DCLK1: variants seen among roughly 807,000 people sequenced by gnomAD.
The protein encoded by DCLK1 is serine/threonine-protein kinase DCLK1.
A neutral mutation model predicts 86.2 loss-of-function variants in DCLK1; 16 were observed. That is an observed-to-expected ratio of 0.19 (90% CI 0.13 to 0.28). The LOEUF is 0.28. Ranked by LOEUF, DCLK1 falls within the 10% of genes least tolerant of loss-of-function variation. The pLI is 1.00. For missense variants in DCLK1, 590 were observed against 940.2 expected, an observed-to-expected ratio of 0.63 and a Z score of 4.87; for synonymous variants, 369 against 370.5, an observed-to-expected ratio of 1.00 and a Z score of 0.05.
chr13:35,807,825 G>A (rs948459438), intron 14 of DCLK1, among the ~76,000 whole-genome samples: 1 of 152,224 alleles, frequency 6.6e-6, no homozygotes, highest in African/African-American at 2.4e-5. Flanking sequence ...AGGTTTAAGA[G>A]ATGCAATTGG....
chr13:35,958,168 CCAT>C (rs1336214235), intron 3 of DCLK1, among the ~76,000 whole-genome samples: 3 of 53,670 alleles, frequency 5.6e-5, no homozygotes, highest in East Asian at 3.9e-4. Flanking sequence ...ACCATCACCA[CCAT>C]CACCACTATA....
At chr13:35,780,798 A>G (rs1192629838) in intron 16 of DCLK1, among the ~76,000 whole-genome samples, 1 of 152,254 alleles carries the variant, frequency 6.6e-6, no homozygotes, top group East Asian at 1.9e-4. Flanking sequence ...AATGCCAGCT[A>G]TCTCAGCAAC....
chr13:35,870,456 G>A lies in DCLK1; in HGVS notation c.940+768C>T, dbSNP rs139487330. 3.1e-4 allele frequency among the ~76,000 whole-genome samples: 47 copies of A among 152,182 alleles called. No individual in the cohort carries two copies. The East Asian group carries it at 8.9e-3, about 29-fold the overall frequency. ...AGAAGGCCCCCAAGTAGGCCCCAGA[G>A]GTCTTTATTCTTATTTATAAGAGCT... On this transcript the variant is annotated intron_variant, in intron 5 of 16. Transcript: ENST00000360631.
chr13:35,930,590 A>T (rs1023081052), intron 4 of DCLK1, among the ~76,000 whole-genome samples: 2 of 151,976 alleles, frequency 1.3e-5, no homozygotes, highest in African/African-American at 2.4e-5. Flanking sequence ...ATAGAGCAAG[A>T]CTCCATCTCA....
At chr13:35,973,427 G>A (rs1008957576) in intron 3 of DCLK1, among the ~76,000 whole-genome samples, 6 of 152,064 alleles carry the variant, frequency 3.9e-5, no homozygotes, top group Non-Finnish European at 5.9e-5. Flanking sequence ...CTCGCACCTC[G>A]GTCTATGCCT....
intron 5 of DCLK1, among the ~76,000 whole-genome samples, chr13:35,870,010 A>G (rs17786544): frequency 0.22 from 33,325 of 152,054 alleles, 3,998 homozygotes; most frequent in Admixed American, 0.32. Context: ...ATCCTTTAGC[A>G]ATGCCTCATT....
chr13:36,090,477 G>A (rs1196618644), intron 3 of DCLK1, among the ~76,000 whole-genome samples: 1 of 152,168 alleles, frequency 6.6e-6, no homozygotes, highest in Non-Finnish European at 1.5e-5. Context: ...ATGGCAAGAA[G>A]TGAGGCTGGA....
intron 2 of DCLK1, among the ~76,000 whole-genome samples, chr13:36,116,547 A>T (rs1012755997): frequency 1.3e-4 from 20 of 152,068 alleles, no homozygotes; most frequent in African/African-American, 4.8e-4. Flanking sequence ...GAGTTTTTTC[A>T]TTGGCTAAGA....
At chr13:36,100,180 A>AG (rs1885158678) in intron 3 of DCLK1, among the ~76,000 whole-genome samples, 1 of 8,034 alleles carries the variant, frequency 1.2e-4, no homozygotes, top group African/African-American at 5.1e-4. Context: ...CTGTCTCTAC[A>AG]AAAAAAAAAA....
At chr13:36,028,255 C>T (rs778097759) in intron 3 of DCLK1, among the ~76,000 whole-genome samples, 1 of 152,168 alleles carries the variant, frequency 6.6e-6, no homozygotes, top group Non-Finnish European at 1.5e-5. Context: ...TTTCTAAAAT[C>T]CAACTGCATA....
intron 4 of DCLK1, among the ~76,000 whole-genome samples, chr13:35,909,433 A>T (rs1469529968): frequency 6.6e-6 from 1 of 152,202 alleles, no homozygotes; most frequent in African/African-American, 2.4e-5. Flanking sequence ...ACTGTATGAC[A>T]TTAAGCAACT....
rs542233532 is a variant in DCLK1 at position 35,971,866 on chromosome 13, G to A, written c.724-24409C>T. Among the ~76,000 whole-genome samples the A allele has an allele frequency of 2.6e-4, 40 of 152,186 alleles. 1 individual carries two copies. The highest frequency in any genetic ancestry group is 8.4e-4 in the African/African-American group (35 of 41,516). On this transcript the variant is annotated intron_variant, in intron 3 of 16. Transcript: ENST00000360631. ...GGATGAAATCCCATCCCTGGACCTC[G>A]GTTGTTTTTATTGTTGTTGTTGTTT...
At chr13:36,071,004 T>C (rs180767308) in intron 3 of DCLK1, among the ~76,000 whole-genome samples, 3 of 152,246 alleles carry the variant, frequency 2.0e-5, no homozygotes, top group Non-Finnish European at 2.9e-5. Context: ...AAAAAGATAC[T>C]TGCTTGGCCT....
chr13:36,125,970 G>A lies in DCLK1; in HGVS notation c.168C>T (p.Ala56=). The A allele has an allele frequency of 6.2e-7, 1 of 1,614,168 alleles. No homozygotes were observed. Among genetic ancestry groups the A allele is most frequent in the Non-Finnish European group, 8.5e-7 (1 of 1,180,030 alleles). ...CGTTTCGATAGAAACGAACTTTCTT[G>A]GCCTTCTTCTCGGAGCTGAGCGTCT... ...TLQTLSSEKK[A]KKVRFYRNGD... The change falls in exon 2 of 17, where the codon GCC becomes GCT. Residue 56 remains alanine, a synonymous_variant. Coordinates refer to ENST00000360631, the MANE Select transcript of DCLK1 (RefSeq NM_001330071.2).
intron 16 of DCLK1, 27 bp downstream of exon 16, chr13:35,793,339 T>C (rs750207795): frequency 1.3e-6 from 2 of 1,583,920 alleles, no homozygotes; most frequent in Non-Finnish European, 8.6e-7. Context: ...TTAAAAAAAG[T>C]TATAGGTGGA....
chr13:35,912,018 C>T (rs117176724), intron 4 of DCLK1, among the ~76,000 whole-genome samples: 1 of 152,162 alleles, frequency 6.6e-6, no homozygotes, highest in African/African-American at 2.4e-5. Context: ...GACCACTGTA[C>T]CTTCCTTCGG....
intron 3 of DCLK1, 60 bp downstream of exon 3, chr13:36,111,809 A>T: frequency 6.7e-7 from 1 of 1,492,420 alleles, no homozygotes; most frequent in African/African-American, 1.4e-5. Context: ...AGCCACGTAC[A>T]CCCTCCGACT....
chr13:35,888,337 G>A (rs1190371778), intron 4 of DCLK1, among the ~76,000 whole-genome samples: 1 of 152,176 alleles, frequency 6.6e-6, no homozygotes, highest in Non-Finnish European at 1.5e-5. Context: ...CTGGGTACAT[G>A]TGATTAATCT....
chr13:35,896,058 G>T (rs1873956959), intron 4 of DCLK1, among the ~76,000 whole-genome samples: 1 of 151,832 alleles, frequency 6.6e-6, no homozygotes, highest in Admixed American at 6.6e-5. Flanking sequence ...CATTATTCAG[G>T]AAAACTTCAA....
Sources: gnomAD v4.1 joint callset for allele counts (sites outside exome capture counted in the v4.1 genomes callset) on GRCh38, gnomAD v4.1.1 for gene constraint, MANE v1.5 for transcripts, NCBI Gene and HGNC (gene_info 2026-07-23, HGNC 2026-07-21) for gene names.